HPSE2: variants seen among roughly 807,000 people sequenced by gnomAD.
HPSE2 encodes heparanase 2 (inactive).
A neutral mutation model predicts 60.5 loss-of-function variants in HPSE2; 38 were observed. That is an observed-to-expected ratio of 0.63 (90% CI 0.48 to 0.82). HPSE2 has a LOEUF of 0.82. Ranked by LOEUF, HPSE2 falls within the 40% of genes least tolerant of loss-of-function variation. The pLI is 0.00. For missense variants in HPSE2, 713 were observed against 740.4 expected (o/e 0.96, Z 0.43); for synonymous variants, 295 against 293.2 (o/e 1.01, Z -0.06).
intron 9 of HPSE2, among the ~76,000 whole-genome samples, chr10:98,542,505 A>C (rs938633474): frequency 6.6e-6 from 1 of 151,944 alleles, no homozygotes; most frequent in African/African-American, 2.4e-5. Flanking sequence ...TGAGAGAAGA[A>C]GGCTTCAGAC....
intron 3 of HPSE2, among the ~76,000 whole-genome samples, chr10:98,903,099 G>A (rs1382549333): frequency 6.6e-6 from 1 of 152,086 alleles, no homozygotes; most frequent in Non-Finnish European, 1.5e-5. Flanking sequence ...GCCATAAAAA[G>A]CAAGTACTTT....
chr10:98,612,502 T>C (rs1468487769), intron 9 of HPSE2, among the ~76,000 whole-genome samples: 1 of 152,226 alleles, frequency 6.6e-6, no homozygotes, highest in African/African-American at 2.4e-5. Context: ...GTTCACTACA[T>C]TGTAAACTCC....
intron 3 of HPSE2, among the ~76,000 whole-genome samples, chr10:99,033,465 T>C (rs1346627915): frequency 2.6e-5 from 4 of 152,150 alleles, no homozygotes; most frequent in Middle Eastern, 3.4e-3. Context: ...TACAGTACTA[T>C]ATACCTATTA....
intron 3 of HPSE2, among the ~76,000 whole-genome samples, chr10:99,035,318 T>C (rs1262531011): frequency 1.3e-5 from 2 of 152,114 alleles, no homozygotes; most frequent in Admixed American, 6.6e-5. Context: ...CGAACACATA[T>C]TACCTAGGCC....
chr10:98,892,255 T>A (rs1168827251), intron 3 of HPSE2, among the ~76,000 whole-genome samples: 1 of 152,166 alleles, frequency 6.6e-6, no homozygotes, highest in African/African-American at 2.4e-5. Context: ...AAGAGATACC[T>A]CAGGATTAGG....
At chr10:99,278,459 G>A in the HPSE2 span, among the ~76,000 whole-genome samples, 1 of 152,072 alleles carries the variant, frequency 6.6e-6, no homozygotes, top group African/African-American at 2.4e-5. Context: ...ACAGCTGCTG[G>A]AACTCCAGTC....
intron 9 of HPSE2, among the ~76,000 whole-genome samples, chr10:98,554,349 C>G (rs1016315864): frequency 4.6e-5 from 7 of 152,216 alleles, no homozygotes; most frequent in African/African-American, 1.7e-4. Context: ...TTCATTTACT[C>G]AAATCTGACT....
chr10:99,315,345 GT>G, the HPSE2 span, among the ~76,000 whole-genome samples: 2 of 152,310 alleles, frequency 1.3e-5, 1 homozygote, highest in South Asian at 4.1e-4. Flanking sequence ...CTTTGTGATT[GT>G]TTTCATAATT....
chr10:98,893,528 G>T (rs1054698016), intron 3 of HPSE2, among the ~76,000 whole-genome samples: 1 of 152,110 alleles, frequency 6.6e-6, no homozygotes, highest in Non-Finnish European at 1.5e-5. Flanking sequence ...TGGGCTAGGA[G>T]ATCAAATATT....
chr10:98,771,682 T>C (rs776829928), intron 3 of HPSE2, among the ~76,000 whole-genome samples: 1 of 152,198 alleles, frequency 6.6e-6, no homozygotes, highest in Non-Finnish European at 1.5e-5. Flanking sequence ...GGCCAGGATG[T>C]ACAACTGGAT....
intron 2 of HPSE2, among the ~76,000 whole-genome samples, chr10:99,221,799 G>A (rs769211921): frequency 3.3e-5 from 5 of 152,198 alleles, no homozygotes; most frequent in East Asian, 3.9e-4. Context: ...ACAGGGAGGC[G>A]GAGAGAAGAA....
At chr10:98,495,611 G>C (rs887009156) in intron 9 of HPSE2, among the ~76,000 whole-genome samples, 1 of 151,802 alleles carries the variant, frequency 6.6e-6, no homozygotes, top group East Asian at 1.9e-4. Flanking sequence ...AATTTCCACT[G>C]TCTTTGAATT....
In HPSE2 at chr10:98,763,811, G is replaced by A. The variant is rs563555633; in HGVS notation, c.611-19755C>T. ...AAAAAAAACTAGTAGAATCCATTGT[G>A]AAGAAACTTGCTCTAAAAGAAATGC... On this transcript the variant is annotated intron_variant, in intron 3 of 11. Transcript: ENST00000370552. Among the ~76,000 whole-genome samples the A allele has an allele frequency of 7.3e-5, 11 of 151,678 alleles. No individual in the cohort carries two copies. The East Asian group carries it at 2.1e-3, about 29-fold the overall frequency.
rs967282859 is a variant in HPSE2 at position 98,933,600 on chromosome 10, A to G, written c.611-189544T>C. Among the ~76,000 whole-genome samples the G allele has an allele frequency of 4.2e-5, 6 of 143,882 alleles. 1 individual carries two copies. Among genetic ancestry groups the G allele is most frequent in the Non-Finnish European group, 8.9e-5 (6 of 67,214 alleles). The allele number at this position is 143,882 out of a possible 152,430, so 94.4% of individuals were successfully genotyped here. On this transcript the variant is annotated intron_variant, in intron 3 of 11. Transcript: ENST00000370552. Reference sequence around the variant, plus strand: ...TGTGTGGGGGTCTAAGTCTCTTAATAGGTCTCTAAGAACTTGTTTTATGAA... The same window carrying G: ...TGTGTGGGGGTCTAAGTCTCTTAATGGGTCTCTAAGAACTTGTTTTATGAA...
chr10:98,657,012 C>G (rs12356640), intron 6 of HPSE2, among the ~76,000 whole-genome samples: 72,660 of 151,936 alleles, frequency 0.48, 20,887 homozygotes, highest in Non-Finnish European at 0.65. Context: ...ATCCACCCAT[C>G]TTGGCTTCCT....
chr10:98,838,581 T>C (rs1433866776), intron 3 of HPSE2, among the ~76,000 whole-genome samples: 2 of 151,572 alleles, frequency 1.3e-5, no homozygotes, highest in Non-Finnish European at 2.9e-5. Flanking sequence ...TGCACCACCA[T>C]GCCTGGCTAA....
At chr10:98,914,275 C>T (rs1477645181) in intron 3 of HPSE2, among the ~76,000 whole-genome samples, 1 of 152,056 alleles carries the variant, frequency 6.6e-6, no homozygotes, top group Non-Finnish European at 1.5e-5. Context: ...ATGTGACTTG[C>T]TCCTCCTTGC....
At chr10:98,874,643 C>T (rs1400719427) in intron 3 of HPSE2, among the ~76,000 whole-genome samples, 1 of 152,022 alleles carries the variant, frequency 6.6e-6, no homozygotes, top group Non-Finnish European at 1.5e-5. Context: ...ACTTCCAATA[C>T]TATGTCGAAT....
chr10:98,773,821 A>C (rs1290539236), intron 3 of HPSE2, among the ~76,000 whole-genome samples: 1 of 152,234 alleles, frequency 6.6e-6, no homozygotes, highest in Non-Finnish European at 1.5e-5. Context: ...TGGGAGGCTA[A>C]GGTGAAAGGA....
Sources: allele counts gnomAD v4.1 joint callset (sites outside exome capture counted in the v4.1 genomes callset), GRCh38; gene constraint gnomAD v4.1.1; transcripts MANE v1.5; gene names NCBI Gene and HGNC (gene_info 2026-07-23, HGNC 2026-07-21).